Variants in ARHGEF37 observed in about 807,000 individuals in gnomAD.
ARHGEF37 encodes Rho guanine nucleotide exchange factor 37.
A neutral mutation model predicts 71.1 loss-of-function variants in ARHGEF37; 55 were observed. That is an observed-to-expected ratio of 0.77 (90% CI 0.62 to 0.97). The LOEUF (loss-of-function observed/expected upper bound fraction) is 0.97. Among genes scored for constraint, ARHGEF37 ranks in the 50% least tolerant of loss-of-function variants. ARHGEF37 has a pLI of 0.00. For missense variants in ARHGEF37, 765 were observed against 836.8 expected (o/e 0.91, Z 1.06); for synonymous variants, 327 against 350.6 (o/e 0.93, Z 0.75).
At chr5:149,616,872 T>C in intron 5 of ARHGEF37, 106 bp downstream of exon 5, 6 of 1,186,212 alleles carry the variant, frequency 5.1e-6, no homozygotes, top group Non-Finnish European at 7.1e-6. Flanking sequence ...GTGGCTTATG[T>C]AACTATAAAT....
chr5:149,600,257 A>G (rs1324171490), intron 2 of ARHGEF37, among the ~76,000 whole-genome samples: 1 of 152,238 alleles, frequency 6.6e-6, no homozygotes, highest in East Asian at 1.9e-4. Flanking sequence ...AAATGTTATT[A>G]TGCAGTGCGT....
At chr5:149,557,562 G>A (rs192365586) in intron 1 of ARHGEF37, among the ~76,000 whole-genome samples, 18 of 152,020 alleles carry the variant, frequency 1.2e-4, no homozygotes, top group African/African-American at 1.9e-4. Flanking sequence ...TCACTGCAGC[G>A]TTAAACTCCT....
intron 7 of ARHGEF37, 124 bp downstream of exon 7, chr5:149,619,166 T>C (rs1433673685): frequency 2.8e-5 from 21 of 744,120 alleles, no homozygotes; most frequent in Middle Eastern, 3.7e-4. Context: ...GATGAGGTCA[T>C]CCTGTCTCAT....
In ARHGEF37 at chr5:149,554,200, C is replaced by T. The variant is rs146891438; in HGVS notation, c.-12+2077C>T. On this transcript the variant is annotated intron_variant, in intron 1 of 2. Coordinates refer to the ARHGEF37 transcript ENST00000505810. ...AAGTTGAAAGCTGCGTACGGTGGCT[C>T]ATGCATGTAATCCCAACACTTTGGG... Among the ~76,000 whole-genome samples, 15 of 152,224 alleles carry T rather than the reference C, an allele frequency of 9.9e-5. No homozygotes were observed. In the East Asian group the frequency reaches 2.9e-3, roughly 29 times the overall value.
intron 4 of ARHGEF37, among the ~76,000 whole-genome samples, chr5:149,613,937 G>A (rs1323917296): frequency 6.6e-6 from 1 of 151,474 alleles, no homozygotes; most frequent in East Asian, 1.9e-4. Context: ...CTCATTTTTT[G>A]TATTTTTGTA....
chr5:149,626,652 T>C (rs1752693657), intron 10 of ARHGEF37, among the ~76,000 whole-genome samples: 1 of 152,174 alleles, frequency 6.6e-6, no homozygotes, highest in Non-Finnish European at 1.5e-5. Flanking sequence ...AAATCCGCCA[T>C]GTGCTGGCCC....
chr5:149,634,245 G>A lies in ARHGEF37; in HGVS notation c.*2054G>A, dbSNP rs1752968186. On this transcript the variant is annotated 3_prime_UTR_variant, in exon 13 of 13. Coordinates refer to ENST00000333677, the MANE Select transcript of ARHGEF37 (RefSeq NM_001001669.3). ...TAGGGACCTCTACCCTAGACACAAAGTATTGGACAGATAGACCTGGTGCCA... is the reference window on the plus strand; with the variant it reads ...TAGGGACCTCTACCCTAGACACAAAATATTGGACAGATAGACCTGGTGCCA... The A allele has an allele frequency of 6.6e-6, 1 of 152,234 alleles. No individual in the cohort carries two copies. Among genetic ancestry groups the A allele is most frequent in the Admixed American group, 6.5e-5 (1 of 15,276 alleles). The allele number at this position is 152,234 out of a possible 1,614,324, so 9.4% of individuals were successfully genotyped here.
intron 1 of ARHGEF37, among the ~76,000 whole-genome samples, chr5:149,552,822 C>T (rs1762700138): frequency 6.6e-6 from 1 of 151,136 alleles, no homozygotes; most frequent in African/African-American, 2.4e-5. Flanking sequence ...CAGAGAGACC[C>T]TGTCTCAAAA....
intron 10 of ARHGEF37, among the ~76,000 whole-genome samples, chr5:149,626,381 T>C (rs1245754196): frequency 1.3e-5 from 2 of 152,184 alleles, no homozygotes; most frequent in African/African-American, 4.8e-5. Context: ...AGTCTCTCCT[T>C]GTTGATACTC....
intron 2 of ARHGEF37, among the ~76,000 whole-genome samples, chr5:149,598,467 T>C (rs1763640733): frequency 6.6e-6 from 1 of 150,674 alleles, no homozygotes; most frequent in Non-Finnish European, 1.5e-5. Flanking sequence ...TTCCTCTTCT[T>C]TCTTTTTCCT....
At chr5:149,618,360 C>A (rs771287083) in intron 6 of ARHGEF37, 54 bp downstream of exon 6, 2 of 1,610,946 alleles carry the variant, frequency 1.2e-6, no homozygotes, top group Middle Eastern at 1.7e-4. Flanking sequence ...AAGGCCAGGC[C>A]CTGCACAGTG....
At chr5:149,618,602 G>T (rs1387540426) in intron 6 of ARHGEF37, among the ~76,000 whole-genome samples, 1 of 152,188 alleles carries the variant, frequency 6.6e-6, no homozygotes, top group Non-Finnish European at 1.5e-5. Flanking sequence ...AGCACAGGTT[G>T]GTGGAGTGCC....
chr5:149,551,990 T>A (rs1318657907), exon 1 of ARHGEF37: 1 of 152,084 alleles, frequency 6.6e-6, no homozygotes, highest in Non-Finnish European at 1.5e-5. Flanking sequence ...ATTAGAATTG[T>A]CCTATCTACT....
chr5:149,621,540 C>T (rs55647643), intron 8 of ARHGEF37, among the ~76,000 whole-genome samples, 193 bp from the exon 9 acceptor site: 57,623 of 152,106 alleles, frequency 0.38, 11,870 homozygotes, highest in Non-Finnish European at 0.47. Context: ...CTGTTAAGCT[C>T]ATTACATGCA....
At chr5:149,558,118 T>C (rs1444352408) in intron 1 of ARHGEF37, among the ~76,000 whole-genome samples, 1 of 152,148 alleles carries the variant, frequency 6.6e-6, no homozygotes, top group Non-Finnish European at 1.5e-5. Flanking sequence ...GTGATCCACC[T>C]GACTTGGCCT....
At chr5:149,567,661 G>A (rs1762913941) in intron 1 of ARHGEF37, among the ~76,000 whole-genome samples, 1 of 152,078 alleles carries the variant, frequency 6.6e-6, no homozygotes. Context: ...TATTTTCGTG[G>A]TTAAATTATC....
intron 1 of ARHGEF37, among the ~76,000 whole-genome samples, chr5:149,569,383 G>A (rs966329097): frequency 3.9e-5 from 6 of 152,056 alleles, no homozygotes; most frequent in African/African-American, 1.4e-4. Flanking sequence ...GCAGCAGTGC[G>A]ATCTCTGCTC....
intron 1 of ARHGEF37, among the ~76,000 whole-genome samples, chr5:149,557,062 T>A (rs545221079): frequency 1.3e-5 from 2 of 152,288 alleles, no homozygotes; most frequent in South Asian, 4.1e-4. Context: ...TCTATGACAG[T>A]GTTTTGCGGT....
At chr5:149,621,031 G>T (rs1274129104) in intron 8 of ARHGEF37, among the ~76,000 whole-genome samples, 1 of 152,116 alleles carries the variant, frequency 6.6e-6, no homozygotes, top group Non-Finnish European at 1.5e-5. Context: ...GGTTTTGGGG[G>T]TGGCTACTTT....
Sources: gnomAD v4.1 joint callset for allele counts (sites outside exome capture counted in the v4.1 genomes callset) on GRCh38, gnomAD v4.1.1 for gene constraint, MANE v1.5 for transcripts, NCBI Gene and HGNC (gene_info 2026-07-23, HGNC 2026-07-21) for gene names.